Variants in MCM8 observed in about 807,000 individuals in gnomAD.
MCM8 encodes the protein DNA helicase MCM8.
Under a neutral mutation model 98.9 loss-of-function variants are expected in MCM8, and 85 were observed. The observed-to-expected ratio is 0.86, with a 90% CI of 0.72 to 1.03. The LOEUF is 1.03. Ranked by LOEUF, MCM8 falls within the 50% of genes least tolerant of loss-of-function variation. MCM8 has a pLI of 0.00. For synonymous variants in MCM8, 352 were observed against 338.6 expected, an observed-to-expected ratio of 1.04 and a Z score of -0.44; for missense variants, 951 against 997.8, an observed-to-expected ratio of 0.95 and a Z score of 0.63.
chr20:5,973,173 C>G lies in MCM8; in HGVS notation c.1372C>G (p.Leu458Val). ...CATCCTTGTTGTTGGAGATCCAGGC[C>G]TAGGAAAAAGTCAAATGCTACAGGT... ...PHILVVGDPG[L>V]GKSQMLQAAC... is the part of the protein sequence containing the mutation. The change falls in exon 12 of 19, where the codon CTA becomes GTA. Residue 458 changes from leucine (L) to valine (V), a missense_variant. By Grantham distance (32) the Leu-to-Val change is conservative (BLOSUM62 1). Coordinates refer to ENST00000610722, the MANE Select transcript of MCM8 (RefSeq NM_032485.6). 6.2e-7 allele frequency: 1 copy of G among 1,614,112 alleles called. No individual in the cohort carries two copies. The highest frequency in any genetic ancestry group is 8.5e-7 in the Non-Finnish European group (1 of 1,179,990).
rs2088945524 is a variant in MCM8 at position 5,955,246 on chromosome 20, C to T, written c.481C>T (p.His161Tyr). The T allele has an allele frequency of 6.2e-7, 1 of 1,611,898 alleles. No homozygotes were observed. Among genetic ancestry groups the T allele is most frequent in the Non-Finnish European group, 8.5e-7 (1 of 1,179,392 alleles). Residue 161 changes from histidine (H) to tyrosine (Y), a missense_variant, in exon 5 of 19, where the codon CAT becomes TAT. Physicochemically the swap from His to Tyr is moderately conservative, Grantham distance 83. Transcript: ENST00000610722. Reference protein sequence around the residue: ...KTLACMGLAIHQVLTKDLERH... With the variant: ...KTLACMGLAIYQVLTKDLERH... ...CTTGGCTTGCATGGGTTTGGCAATA[C>T]ATCAGGTAACTATTTGTCTTATGCA...
At chr20:5,966,207 T>C (rs951459516) in intron 8 of MCM8, among the ~76,000 whole-genome samples, 1 of 152,126 alleles carries the variant, frequency 6.6e-6, no homozygotes, top group Admixed American at 6.6e-5. Flanking sequence ...ATTTTATCTA[T>C]CATGCTGTGA....
At position 5,997,754 on chromosome 20, in the gene MCM8, A is replaced by G. The variant is rs1159028115; in HGVS notation, c.*3363A>G. 1 of 152,262 alleles carries G rather than the reference A, an allele frequency of 6.6e-6. No individual in the cohort carries two copies. The highest frequency in any genetic ancestry group is 1.5e-5 in the Non-Finnish European group (1 of 68,124). The allele number at this position is 152,262 out of a possible 1,614,324, so 9.4% of individuals were successfully genotyped here. A position where few individuals can be genotyped will look rare whatever the true frequency, so the allele number is the denominator to read the frequency against. On this transcript the variant is annotated 3_prime_UTR_variant, in exon 19 of 19. Transcript: ENST00000610722. ...GAGTAGCTGGAACTACAGGAATGCA[A>G]CACCATGCCCAGCTAATTTTGATTT... is the stretch of plus-strand genomic sequence containing the variant.
intron 13 of MCM8, among the ~76,000 whole-genome samples, chr20:5,981,253 A>G (rs891717114): frequency 1.2e-4 from 18 of 152,170 alleles, no homozygotes; most frequent in Non-Finnish European, 7.3e-5. Context: ...GAATCCAGAG[A>G]GGTATAGGCA....
At chr20:5,951,715 T>C (rs1266503237) in intron 1 of MCM8, among the ~76,000 whole-genome samples, 4 of 152,216 alleles carry the variant, frequency 2.6e-5, no homozygotes, top group African/African-American at 9.6e-5. Flanking sequence ...ATTTCTGTAA[T>C]GGGGACTTGT....
Position 5,987,321 on chromosome 20 carries a change from G to C in MCM8, c.2203G>C (p.Glu735Gln), listed in dbSNP as rs200538075. 4.6e-5 allele frequency: 75 copies of C among 1,613,366 alleles called. No homozygotes were observed. The African/African-American group carries it at 9.3e-4, about 20-fold the overall frequency. The stretch of plus-strand genomic sequence containing the variant: ...GGAATTGAGAGAGGAAGCAACCAAA[G>C]AAGACGCTGAGGATATAGTGGAAAT... ...RLELREEATK[E>Q]DAEDIVEIMK... is the part of the protein sequence containing the mutation. The change falls in exon 17 of 19, where the codon GAA becomes CAA. Residue 735 changes from glutamate to glutamine, a missense_variant. By Grantham distance (29) the Glu-to-Gln change is conservative. Transcript: ENST00000610722.
At position 5,954,652 on chromosome 20, in the gene MCM8, G is replaced by A; in HGVS notation, c.298G>A (p.Glu100Lys). 1.9e-6 allele frequency: 3 copies of A among 1,611,342 alleles called. No individual in the cohort carries two copies. The highest frequency in any genetic ancestry group is 2.5e-6 in the Non-Finnish European group (3 of 1,177,872). Residue 100 changes from glutamate (E) to lysine (K), a missense_variant, in exon 4 of 19, where the codon GAA (glutamate) becomes AAA (lysine). Glu to Lys is a moderately conservative substitution (Grantham distance 56). Coordinates refer to ENST00000610722, the MANE Select transcript of MCM8 (RefSeq NM_032485.6). ...SPLIEKIQAFEKFFTRHIDLY... is the reference protein window; with the variant it reads ...SPLIEKIQAFKKFFTRHIDLY... The stretch of plus-strand genomic sequence containing the variant: ...TTTGATTGAGAAGATTCAAGCATTT[G>A]AAAAATTTTTCACAAGGCATATTGA...
intron 16 of MCM8, among the ~76,000 whole-genome samples, 158 bp from the exon 17 acceptor site, chr20:5,987,124 G>C (rs1305689777): frequency 6.6e-6 from 1 of 152,192 alleles, no homozygotes; most frequent in African/African-American, 2.4e-5. Flanking sequence ...ACCACCCCCA[G>C]CCCAGAGAAT....
rs372504213 is a variant in MCM8 at position 5,986,147 on chromosome 20, T to C, written c.2163+16T>C. On this transcript the variant is annotated intron_variant, in intron 16 of 18. Coordinates refer to ENST00000610722, the MANE Select transcript of MCM8 (RefSeq NM_032485.6). Reference sequence around the variant, plus strand: ...TCTGACAGAGGTTTGTTTCTTTTTATGGTCATGCTTTTTTTGGCTTAAAGG... The same window carrying C: ...TCTGACAGAGGTTTGTTTCTTTTTACGGTCATGCTTTTTTTGGCTTAAAGG... 39 of 1,612,922 alleles carry C rather than the reference T, an allele frequency of 2.4e-5. No homozygotes were observed. The highest frequency in any genetic ancestry group is 3.1e-5 in the Non-Finnish European group (36 of 1,179,194).
intron 13 of MCM8, among the ~76,000 whole-genome samples, chr20:5,980,190 A>T (rs1173832010): frequency 6.6e-6 from 1 of 152,114 alleles, no homozygotes; most frequent in Non-Finnish European, 1.5e-5. Context: ...CCCCTGCTGC[A>T]CCTTAGCAGA....
At chr20:5,965,316 A>G (rs912667516) in intron 8 of MCM8, 3 of 152,098 alleles carry the variant, frequency 2.0e-5, no homozygotes, top group African/African-American at 7.2e-5. Flanking sequence ...TTAGCAAAAA[A>G]CCTAGCACAT....
chr20:5,963,591 C>T (rs944959801), intron 8 of MCM8, among the ~76,000 whole-genome samples: 3 of 145,836 alleles, frequency 2.1e-5, no homozygotes, highest in Non-Finnish European at 4.5e-5. Context: ...TGCAGTGGCG[C>T]GATCTTGGCT....
chr20:5,967,777 T>A, intron 9 of MCM8, 53 bp from the exon 10 acceptor site: 1 of 1,079,622 alleles, frequency 9.3e-7, no homozygotes, highest in Non-Finnish European at 1.2e-6. Flanking sequence ...AGTTGAGTCA[T>A]TGTAGGGAAA....
chr20:5,955,660 G>GA (rs1402449809), intron 5 of MCM8, among the ~76,000 whole-genome samples: 1 of 152,132 alleles, frequency 6.6e-6, no homozygotes, highest in Non-Finnish European at 1.5e-5. Flanking sequence ...AAACCACTGA[G>GA]TGTCCCTGTA....
intron 3 of MCM8, 80 bp downstream of exon 3, chr20:5,952,608 G>C: frequency 8.7e-7 from 1 of 1,146,648 alleles, no homozygotes; most frequent in Non-Finnish European, 1.3e-6. Flanking sequence ...TTGTATTACT[G>C]TAATTCATTT....
intron 12 of MCM8, 46 bp downstream of exon 12, chr20:5,973,242 C>T (rs534268581): frequency 7.5e-6 from 12 of 1,602,080 alleles, no homozygotes; most frequent in African/African-American, 6.7e-5. Flanking sequence ...TTGTAAAATG[C>T]GTTAATAATT....
intron 8 of MCM8, among the ~76,000 whole-genome samples, chr20:5,964,079 A>G (rs1331129603): frequency 1.3e-5 from 2 of 149,308 alleles, no homozygotes; most frequent in African/African-American, 4.9e-5. Context: ...TATGTTCTCA[A>G]TGTTGCAATG....
chr20:5,973,290 TC>T, intron 12 of MCM8, 94 bp downstream of exon 12: 2 of 1,494,194 alleles, frequency 1.3e-6, no homozygotes, highest in South Asian at 2.4e-5. Context: ...GTGTGTGTGT[TC>T]CAGAGGACAT....
In MCM8 at chr20:5,977,907, A is replaced by AT; in HGVS notation, c.1428dup (p.Val477CysfsTer4). The AT allele has an allele frequency of 6.2e-7, 1 of 1,614,192 alleles. No individual in the cohort carries two copies. Among genetic ancestry groups the AT allele is most frequent in the Non-Finnish European group, 8.5e-7 (1 of 1,180,046 alleles). ...TGCAATGTTGCCCCACGTGGCGTGT[A>AT]TGTTTGTGGTAACACCACGACCACC... On this transcript the variant is annotated frameshift_variant, in exon 13 of 19. Coordinates refer to ENST00000610722, the MANE Select transcript of MCM8 (RefSeq NM_032485.6). LOFTEE classifies it high-confidence loss of function.
Sources: allele counts gnomAD v4.1 joint callset (sites outside exome capture counted in the v4.1 genomes callset), GRCh38; gene constraint gnomAD v4.1.1; transcripts MANE v1.5; gene names NCBI Gene and HGNC (gene_info 2026-07-23, HGNC 2026-07-21).